GDA: variants seen among roughly 807,000 people sequenced by gnomAD.
The protein encoded by GDA is guanine deaminase.
GDA carries 18 observed loss-of-function variants against 59.6 expected under a neutral mutation model. The ratio of observed to expected loss-of-function variants is 0.30; its 90% CI spans 0.21 to 0.45. GDA has a LOEUF of 0.45. GDA is among the 20% of genes least tolerant of loss of function. The pLI, the probability that GDA is intolerant of heterozygous loss-of-function variation, is 1.00. For missense variants in GDA, 427 were observed against 552.3 expected, an observed-to-expected ratio of 0.77 and a Z score of 2.27; for synonymous variants, 201 against 201.1, an observed-to-expected ratio of 1.00 and a Z score of 0.00.
At chr9:72,182,106 T>C (rs1469273149) in intron 1 of GDA, among the ~76,000 whole-genome samples, 1 of 152,094 alleles carries the variant, frequency 6.6e-6, no homozygotes, top group Non-Finnish European at 1.5e-5. Context: ...TTTTTTTCCC[T>C]AAAAAATAAG....
rs1840674058 is a variant in GDA at position 72,251,433 on chromosome 9, A to G, written c.*3091A>G. 1 of 152,552 alleles carries G rather than the reference A, an allele frequency of 6.6e-6. No homozygotes were observed. The highest frequency in any genetic ancestry group is 1.5e-5 in the Non-Finnish European group (1 of 68,334). The allele number at this position is 152,552 out of a possible 1,614,324, so 9.4% of individuals were successfully genotyped here. On this transcript the variant is annotated 3_prime_UTR_variant, in exon 14 of 14. Coordinates refer to ENST00000358399, the MANE Select transcript of GDA (RefSeq NM_004293.5). ...CATTGTATCAATTCTACCTTGTGCTATACGTAGGAGAGATCCAAAATTTGG... is the reference window on the plus strand; with the variant it reads ...CATTGTATCAATTCTACCTTGTGCTGTACGTAGGAGAGATCCAAAATTTGG...
chr9:72,252,906 A>G (rs1443416539), downstream of GDA, among the ~76,000 whole-genome samples: 1 of 152,244 alleles, frequency 6.6e-6, no homozygotes, highest in African/African-American at 2.4e-5. Flanking sequence ...CACTTAAGCT[A>G]GCAGCTGGAA....
chr9:72,240,775 G>A (rs778640048), intron 10 of GDA, among the ~76,000 whole-genome samples: 34 of 152,300 alleles, frequency 2.2e-4, no homozygotes, highest in Non-Finnish European at 2.1e-4. Context: ...GCCACCAGGA[G>A]CCACCAGAAG....
chr9:72,177,580 AG>A (rs1277365820), intron 1 of GDA, among the ~76,000 whole-genome samples: 2 of 152,134 alleles, frequency 1.3e-5, no homozygotes, highest in African/African-American at 2.4e-5. Context: ...CTTTTGCAAA[AG>A]AAAAAAAAAC....
chr9:72,143,677 A>T (rs1826522732), intron 1 of GDA, among the ~76,000 whole-genome samples: 1 of 152,200 alleles, frequency 6.6e-6, no homozygotes, highest in Admixed American at 6.5e-5. Flanking sequence ...GGTAAAATGT[A>T]TGCATTTCTC....
chr9:72,174,880 AC>A (rs1313965703), intron 1 of GDA, among the ~76,000 whole-genome samples: 1 of 152,076 alleles, frequency 6.6e-6, no homozygotes, highest in Non-Finnish European at 1.5e-5. Flanking sequence ...TTGGAAATAT[AC>A]CTTGGCATTA....
intron 1 of GDA, among the ~76,000 whole-genome samples, chr9:72,135,356 A>C (rs1050620933): frequency 6.6e-6 from 1 of 152,186 alleles, no homozygotes; most frequent in Admixed American, 6.5e-5. Flanking sequence ...TTATATGTGT[A>C]CTATTTTACT....
At chr9:72,127,094 A>G (rs1825872701) in intron 1 of GDA, among the ~76,000 whole-genome samples, 2 of 151,948 alleles carry the variant, frequency 1.3e-5, no homozygotes, top group South Asian at 4.1e-4. Flanking sequence ...AGCCTGTTGC[A>G]TCCTAGATTT....
intron 1 of GDA, among the ~76,000 whole-genome samples, chr9:72,138,977 T>C (rs1412444875): frequency 6.6e-6 from 1 of 152,174 alleles, no homozygotes; most frequent in African/African-American, 2.4e-5. Flanking sequence ...ATGAAACATC[T>C]GTATCGTTGT....
chr9:72,221,331 T>C (rs10869149), intron 6 of GDA, among the ~76,000 whole-genome samples: 74,859 of 152,066 alleles, frequency 0.49, 18,531 homozygotes, highest in Middle Eastern at 0.56. Flanking sequence ...CTTAATGTGG[T>C]GGCAGAGGAG....
intron 11 of GDA, among the ~76,000 whole-genome samples, chr9:72,244,333 C>G (rs1220344185): frequency 1.3e-5 from 2 of 152,180 alleles, no homozygotes; most frequent in Non-Finnish European, 2.9e-5. Flanking sequence ...AGAAAGCCAA[C>G]TACCCCCATC....
At chr9:72,254,771 C>T (rs1300013588), downstream of GDA, among the ~76,000 whole-genome samples, 2 of 152,288 alleles carry the variant, frequency 1.3e-5, no homozygotes, top group East Asian at 1.9e-4. Context: ...GTGGATAATC[C>T]AAGCGAGAAT....
chr9:72,180,733 A>G (rs572755238), intron 1 of GDA, among the ~76,000 whole-genome samples: 2 of 152,352 alleles, frequency 1.3e-5, no homozygotes, highest in African/African-American at 4.8e-5. Context: ...TCCTTCTTCC[A>G]CAAGTTGGTT....
chr9:72,229,474 A>G (rs1285828075), intron 9 of GDA, among the ~76,000 whole-genome samples: 1 of 152,202 alleles, frequency 6.6e-6, no homozygotes, highest in Non-Finnish European at 1.5e-5. Context: ...CCGGAGTTTA[A>G]TCCTTCTATT....
At chr9:72,199,630 A>C (rs1254009904) in intron 2 of GDA, among the ~76,000 whole-genome samples, 1 of 152,232 alleles carries the variant, frequency 6.6e-6, no homozygotes. Context: ...TGCAGTAACA[A>C]AAACATTCTA....
At chr9:72,125,323 C>T (rs573829395) in intron 1 of GDA, among the ~76,000 whole-genome samples, 2 of 148,306 alleles carry the variant, frequency 1.3e-5, no homozygotes, top group East Asian at 4.0e-4. Flanking sequence ...TCCTTTACTC[C>T]CTCCCTCCCT....
chr9:72,243,008 G>A (rs954393982), intron 11 of GDA, among the ~76,000 whole-genome samples: 8 of 152,086 alleles, frequency 5.3e-5, no homozygotes, highest in African/African-American at 1.9e-4. Context: ...GGGTCACTGG[G>A]CTTACTCATG....
downstream of GDA, among the ~76,000 whole-genome samples, chr9:72,252,581 A>G (rs1840775543): frequency 6.6e-6 from 1 of 152,224 alleles, no homozygotes. Flanking sequence ...AGTTTCACAG[A>G]AAAATACTTT....
intron 13 of GDA, 36 bp downstream of exon 13, chr9:72,247,469 T>C (rs761147467): frequency 7.0e-6 from 8 of 1,134,928 alleles, no homozygotes; most frequent in Non-Finnish European, 9.3e-6. Context: ...AAATATTAAA[T>C]AGAACCTTTC....
Sources: allele counts gnomAD v4.1 joint callset (sites outside exome capture counted in the v4.1 genomes callset), GRCh38; gene constraint gnomAD v4.1.1; transcripts MANE v1.5; gene names NCBI Gene and HGNC (gene_info 2026-07-23, HGNC 2026-07-21).